Variants in NGEF observed in about 807,000 individuals in gnomAD.
The protein encoded by NGEF is neuronal guanine nucleotide exchange factor.
A neutral mutation model predicts 80.9 loss-of-function variants in NGEF; 31 were observed. The ratio of observed to expected loss-of-function variants is 0.38; its 90% confidence interval spans 0.29 to 0.52. NGEF has a LOEUF of 0.52. NGEF is among the 20% of genes least tolerant of loss of function. The pLI, the probability that NGEF is intolerant of heterozygous loss-of-function variation, is 0.84. For synonymous variants in NGEF, 371 were observed against 370.2 expected, an observed-to-expected ratio of 1.00 and a Z score of -0.03; for missense variants, 709 against 926.2, an observed-to-expected ratio of 0.77 and a Z score of 3.04.
intron 14 of NGEF, among the ~76,000 whole-genome samples, chr2:232,880,147 G>A (rs969862496): frequency 2.6e-5 from 4 of 152,204 alleles, no homozygotes; most frequent in African/African-American, 7.2e-5. Context: ...AGCCTCTTGC[G>A]GGGCCGATCC....
chr2:232,915,334 T>A (rs1484481935), intron 5 of NGEF, among the ~76,000 whole-genome samples: 2 of 152,236 alleles, frequency 1.3e-5, no homozygotes, highest in African/African-American at 4.8e-5. Context: ...CTCTCTGTTC[T>A]CCTTAGGAGT....
At chr2:232,979,062 G>A (rs1039377348) in intron 1 of NGEF, among the ~76,000 whole-genome samples, 18 of 152,166 alleles carry the variant, frequency 1.2e-4, no homozygotes, top group Admixed American at 1.2e-3. Flanking sequence ...ATACCACCAA[G>A]GGCACTGGGC....
At chr2:232,967,665 T>C (rs578224514) in intron 3 of NGEF, among the ~76,000 whole-genome samples, 2 of 152,046 alleles carry the variant, frequency 1.3e-5, no homozygotes, top group African/African-American at 4.8e-5. Context: ...AAGAACAGCC[T>C]AATCCACCCA....
At chr2:232,973,615 G>A (rs1694237322) in intron 2 of NGEF, among the ~76,000 whole-genome samples, 1 of 152,204 alleles carries the variant, frequency 6.6e-6, no homozygotes, top group Non-Finnish European at 1.5e-5. Flanking sequence ...CCTGCTGGGG[G>A]ATGAGAGACC....
chr2:232,920,234 G>A lies in NGEF; in HGVS notation c.828+50C>T, dbSNP rs776868312. On this transcript the variant is annotated intron_variant, in intron 5 of 14. Transcript: ENST00000264051. ...AGGAAGCCTCACCCCCAGCAGTGAGGGCCACCCCGGTGTGCTGTGGGGGAG... is the reference window on the plus strand; with the variant it reads ...AGGAAGCCTCACCCCCAGCAGTGAGAGCCACCCCGGTGTGCTGTGGGGGAG... 3.2e-5 allele frequency: 50 copies of A among 1,557,764 alleles called. No individual in the cohort carries two copies. In the South Asian group the frequency reaches 5.7e-4, roughly 18 times the overall value.
At chr2:232,896,039 G>A (rs563445837) in intron 5 of NGEF, among the ~76,000 whole-genome samples, 5 of 83,462 alleles carry the variant, frequency 6.0e-5, no homozygotes, top group Non-Finnish European at 1.2e-4. Context: ...CCTCTTCCCC[G>A]TCACCCTCTG....
At chr2:233,010,314 G>C (rs902822003) in intron 1 of NGEF, among the ~76,000 whole-genome samples, 1 of 152,184 alleles carries the variant, frequency 6.6e-6, no homozygotes, top group Non-Finnish European at 1.5e-5. Context: ...TGTGCTATCT[G>C]TGAACGTATG....
At chr2:233,012,863 G>A (rs1480380424) in intron 1 of NGEF, 1 of 470,952 alleles carries the variant, frequency 2.1e-6, no homozygotes, top group African/African-American at 2.0e-5. Flanking sequence ...TGGTGAAACT[G>A]AGTGCCAGGA....
At chr2:232,914,966 G>A (rs1410037006) in intron 5 of NGEF, among the ~76,000 whole-genome samples, 2 of 146,274 alleles carry the variant, frequency 1.4e-5, no homozygotes, top group Non-Finnish European at 3.0e-5. Context: ...GCAGCAAGCC[G>A]AGATTGTGCC....
At chr2:232,879,851 A>AC (rs1321047619) in intron 14 of NGEF, among the ~76,000 whole-genome samples, 172 bp from the exon 15 acceptor site, 1 of 152,110 alleles carries the variant, frequency 6.6e-6, no homozygotes, top group Non-Finnish European at 1.5e-5. Flanking sequence ...GACTGGAGTC[A>AC]CCCCCATAAG....
intron 1 of NGEF, among the ~76,000 whole-genome samples, chr2:232,975,712 C>T (rs2106324587): frequency 6.6e-6 from 1 of 152,220 alleles, no homozygotes; most frequent in East Asian, 1.9e-4. Context: ...ACTATGTGGA[C>T]CCTCTTAGTG....
At chr2:232,995,031 T>C (rs560702026) in intron 1 of NGEF, among the ~76,000 whole-genome samples, 1 of 94,250 alleles carries the variant, frequency 1.1e-5, no homozygotes, top group African/African-American at 8.4e-5. Context: ...ATACTGTATA[T>C]ATGTACAGTA....
At chr2:233,001,300 A>T (rs1461581266) in intron 1 of NGEF, among the ~76,000 whole-genome samples, 1 of 151,902 alleles carries the variant, frequency 6.6e-6, no homozygotes, top group Non-Finnish European at 1.5e-5. Flanking sequence ...ATCTCTCATC[A>T]CCCCCAATAT....
At chr2:233,002,132 C>A (rs1410112996) in intron 1 of NGEF, among the ~76,000 whole-genome samples, 1 of 152,182 alleles carries the variant, frequency 6.6e-6, no homozygotes, top group East Asian at 1.9e-4. Context: ...CTAGATCCTC[C>A]TGTCCTCCTT....
At chr2:232,890,249 G>A (rs559569742) in intron 8 of NGEF, among the ~76,000 whole-genome samples, 1 of 127,526 alleles carries the variant, frequency 7.8e-6, no homozygotes, top group South Asian at 2.3e-4. Flanking sequence ...TGCCTCACTG[G>A]GCCTGTCAGG....
At chr2:232,981,581 C>G (rs1373759960) in intron 1 of NGEF, among the ~76,000 whole-genome samples, 1 of 152,078 alleles carries the variant, frequency 6.6e-6, no homozygotes, top group Non-Finnish European at 1.5e-5. Context: ...TCTGGCTCAA[C>G]CAGTTCTGCC....
intron 4 of NGEF, among the ~76,000 whole-genome samples, chr2:232,923,749 C>T (rs1692998260): frequency 6.6e-6 from 1 of 152,072 alleles, no homozygotes; most frequent in Non-Finnish European, 1.5e-5. Flanking sequence ...GTTCCTTGCC[C>T]CTTGCTAGTA....
intron 5 of NGEF, among the ~76,000 whole-genome samples, chr2:232,918,014 C>T (rs893952876): frequency 5.9e-5 from 9 of 151,852 alleles, no homozygotes; most frequent in East Asian, 5.9e-4. Context: ...GGTGCAGTTG[C>T]GCGATCTTGG....
intron 5 of NGEF, among the ~76,000 whole-genome samples, chr2:232,913,630 T>C (rs964223515): frequency 1.3e-5 from 2 of 152,170 alleles, no homozygotes; most frequent in Non-Finnish European, 2.9e-5. Flanking sequence ...TGGATTAAAA[T>C]AATTTTGTAG....
Sources: allele counts gnomAD v4.1 joint callset (sites outside exome capture counted in the v4.1 genomes callset), GRCh38; gene constraint gnomAD v4.1.1; transcripts MANE v1.5; gene names NCBI Gene and HGNC (gene_info 2026-07-23, HGNC 2026-07-21).